The following EPHA3 variants were observed in gnomAD, a reference collection of about 807,000 sequenced individuals.
EPHA3 encodes the protein EPH receptor A3, also known as ephrin type-A receptor 3.
A neutral mutation model predicts 107.1 loss-of-function variants in EPHA3; 42 were observed. The observed-to-expected ratio is 0.39, with a 90% CI of 0.31 to 0.51. The LOEUF is 0.51. EPHA3 is among the 20% of genes least tolerant of loss of function. The probability of loss-of-function intolerance (pLI) is 0.78; values close to 1 mark genes in which losing one functional copy is unlikely to be tolerated. For synonymous variants in EPHA3, 461 were observed against 424.8 expected (o/e 1.09, Z -1.05); for missense variants, 1,183 against 1,211.2 (o/e 0.98, Z 0.35).
chr3:89,238,024 C>T (rs1704813937), intron 3 of EPHA3, among the ~76,000 whole-genome samples: 1 of 151,624 alleles, frequency 6.6e-6, no homozygotes, highest in Admixed American at 6.6e-5. Flanking sequence ...ACTTAAAACC[C>T]TACATGAAGA....
intron 2 of EPHA3, among the ~76,000 whole-genome samples, chr3:89,151,770 A>C (rs990371256): frequency 1.3e-5 from 2 of 152,090 alleles, no homozygotes; most frequent in Non-Finnish European, 2.9e-5. Flanking sequence ...CATTCTCTAC[A>C]TGAGCATAAT....
At chr3:89,238,726 T>C (rs1191376245) in intron 3 of EPHA3, among the ~76,000 whole-genome samples, 1 of 152,208 alleles carries the variant, frequency 6.6e-6, no homozygotes, top group African/African-American at 2.4e-5. Context: ...CTTATTTTCT[T>C]TAGAGTGTTG....
In EPHA3 at chr3:89,230,849, C is replaced by A. The variant is rs1179269766; in HGVS notation, c.814+20329C>A. 3.3e-5 allele frequency among the ~76,000 whole-genome samples: 5 copies of A among 151,688 alleles called. No homozygotes were observed. The East Asian group carries it at 9.7e-4, about 29-fold the overall frequency. On this transcript the variant is annotated intron_variant, in intron 3 of 16. Transcript: ENST00000336596. ...TCACACACACACACACACACACACACACACACACCTTTGCTTTTATCTGCT... is the reference window on the plus strand; with the variant it reads ...TCACACACACACACACACACACACAAACACACACCTTTGCTTTTATCTGCT...
chr3:89,415,320 T>G (rs983052833), intron 10 of EPHA3, among the ~76,000 whole-genome samples: 1 of 150,714 alleles, frequency 6.6e-6, no homozygotes, highest in Non-Finnish European at 1.5e-5. Flanking sequence ...TTTACCTACT[T>G]CCTACATTCT....
intron 7 of EPHA3, chr3:89,399,752 T>C (rs1203279766): frequency 2.5e-6 from 3 of 1,181,752 alleles, no homozygotes; most frequent in South Asian, 3.9e-5. Context: ...CATAAATTGC[T>C]TTTGAGGAAC....
In EPHA3 at chr3:89,277,580, GAT is replaced by G. The variant is rs778518660; in HGVS notation, c.815-63333_815-63332del. Among the ~76,000 whole-genome samples the G allele has an allele frequency of 1.2e-4, 18 of 152,180 alleles. No homozygotes were observed. The South Asian group carries it at 1.5e-3, about 12-fold the overall frequency. ...AAGTGTTTTTATTTATGCATTTAAA[GAT>G]ATGTCACTGGGGTAGCATACTCTGG... On this transcript the variant is annotated intron_variant, in intron 3 of 16. Coordinates refer to ENST00000336596, the MANE Select transcript of EPHA3 (RefSeq NM_005233.6).
At chr3:89,320,530 A>G (rs1373153150) in intron 3 of EPHA3, among the ~76,000 whole-genome samples, 4 of 152,128 alleles carry the variant, frequency 2.6e-5, no homozygotes, top group Non-Finnish European at 5.9e-5. Context: ...CTGGGAGATG[A>G]GTGCTAAATA....
intron 2 of EPHA3, among the ~76,000 whole-genome samples, chr3:89,174,890 TAAG>T (rs1705286450): frequency 6.6e-6 from 1 of 151,846 alleles, no homozygotes. Flanking sequence ...GTAAATCTGA[TAAG>T]AATAGCATGT....
chr3:89,274,858 T>A (rs1323615310), intron 3 of EPHA3, among the ~76,000 whole-genome samples: 1 of 151,994 alleles, frequency 6.6e-6, no homozygotes, highest in Non-Finnish European at 1.5e-5. Context: ...CTCCTCCCAG[T>A]ACAAAGATAA....
intron 3 of EPHA3, among the ~76,000 whole-genome samples, chr3:89,295,648 G>A (rs763740403): frequency 9.9e-5 from 15 of 151,986 alleles, no homozygotes; most frequent in African/African-American, 2.7e-4. Flanking sequence ...TTGGAGTGCC[G>A]TGGTGCAATC....
chr3:89,387,755 AT>A (rs897625692), intron 5 of EPHA3, among the ~76,000 whole-genome samples: 1 of 151,978 alleles, frequency 6.6e-6, no homozygotes, highest in Non-Finnish European at 1.5e-5. Flanking sequence ...ATAAGATTTC[AT>A]TTTGGTGAAT....
chr3:89,316,285 C>A (rs1429618599), intron 3 of EPHA3, among the ~76,000 whole-genome samples: 1 of 151,256 alleles, frequency 6.6e-6, no homozygotes, highest in Non-Finnish European at 1.5e-5. Context: ...TCCATATTGC[C>A]AGCTTTATCA....
intron 3 of EPHA3, among the ~76,000 whole-genome samples, chr3:89,336,249 T>C (rs1470659080): frequency 3.3e-5 from 5 of 151,904 alleles, no homozygotes; most frequent in Non-Finnish European, 7.4e-5. Flanking sequence ...TGTTACTCAC[T>C]AGTTTTACAT....
chr3:89,216,234 G>T (rs1253332977), intron 3 of EPHA3, among the ~76,000 whole-genome samples: 9 of 151,792 alleles, frequency 5.9e-5, no homozygotes, highest in Admixed American at 5.9e-4. Flanking sequence ...AAATAATTTT[G>T]GTTGCAGAAA....
chr3:89,451,035 A>AT (rs1709976001), intron 15 of EPHA3, among the ~76,000 whole-genome samples: 1 of 152,130 alleles, frequency 6.6e-6, no homozygotes, highest in Non-Finnish European at 1.5e-5. Context: ...CAAAATGCAA[A>AT]TTTTCCCCAG....
intron 5 of EPHA3, among the ~76,000 whole-genome samples, chr3:89,369,670 C>A (rs1176611436): frequency 5.4e-5 from 8 of 148,026 alleles, no homozygotes; most frequent in African/African-American, 7.5e-5. Context: ...TCTAATTAAA[C>A]TAAAGAGCTT....
At chr3:89,270,225 A>T (rs973177807) in intron 3 of EPHA3, among the ~76,000 whole-genome samples, 3 of 152,054 alleles carry the variant, frequency 2.0e-5, no homozygotes, top group African/African-American at 7.2e-5. Context: ...TTAGAAACTG[A>T]TATCATGTTA....
chr3:89,213,899 T>C (rs761348766), intron 3 of EPHA3, among the ~76,000 whole-genome samples: 17 of 152,018 alleles, frequency 1.1e-4, no homozygotes, highest in Non-Finnish European at 1.9e-4. Flanking sequence ...ATTTCCTCTT[T>C]GCCTTTAGCA....
chr3:89,472,371 T>C lies in EPHA3; in HGVS notation c.2691-93T>C, dbSNP rs954129637. 2.3e-6 allele frequency: 3 copies of C among 1,319,828 alleles called. No homozygotes were observed. In the African/African-American group the frequency reaches 4.4e-5, roughly 19 times the overall value. 81.8% of individuals were successfully genotyped at this position (1,319,828 alleles called of 1,614,324 possible). Reference sequence around the variant, plus strand: ...AATGAAAGGAACACCATATGAAGTCTGGAAGTTCCTGCCGATGTTAGTGTC... The same window carrying C: ...AATGAAAGGAACACCATATGAAGTCCGGAAGTTCCTGCCGATGTTAGTGTC... On this transcript the variant is annotated intron_variant, in intron 15 of 16. Transcript: ENST00000336596.
Sources: allele counts gnomAD v4.1 joint callset (sites outside exome capture counted in the v4.1 genomes callset), GRCh38; gene constraint gnomAD v4.1.1; transcripts MANE v1.5; gene names NCBI Gene and HGNC (gene_info 2026-07-23, HGNC 2026-07-21).